Variants in SIM2 observed in about 807,000 individuals in gnomAD.
The protein encoded by SIM2 is SIM bHLH transcription factor 2.
In SIM2, 28 loss-of-function variants were observed where a neutral mutation model predicts 64.8. The ratio of observed to expected loss-of-function variants is 0.43; its 90% CI spans 0.32 to 0.59. The LOEUF (loss-of-function observed/expected upper bound fraction) is 0.59, where lower values mean the gene tolerates loss of function less well. Ranked by LOEUF, SIM2 falls within the 20% of genes least tolerant of loss-of-function variation. The pLI is 0.07. For missense variants in SIM2, 847 were observed against 871.4 expected, an observed-to-expected ratio of 0.97 and a Z score of 0.35; for synonymous variants, 408 against 391.1, an observed-to-expected ratio of 1.04 and a Z score of -0.51.
chr21:36,726,289 T>C lies in SIM2; in HGVS notation c.714T>C (p.Leu238=), dbSNP rs2123464277. The stretch of plus-strand genomic sequence containing the variant: ...ACATGTTCATGTTCAGGGCCAGCCT[T>C]GACCTGAAGCTGATATTCCTGGATT... ...YSNMFMFRAS[L]DLKLIFLDSR... The change falls in exon 6 of 11, where the codon CTT becomes CTC. Residue 238 remains leucine (L), a synonymous_variant. Transcript: ENST00000290399. This position sits in a 1 kb window ranked among gnomAD's most constrained non-coding sequence, Gnocchi z 4.5. 1 of 1,613,472 alleles carries C rather than the reference T, an allele frequency of 6.2e-7. No individual in the cohort carries two copies. The highest frequency in any genetic ancestry group is 8.5e-7 in the Non-Finnish European group (1 of 1,179,954).
intron 3 of SIM2, among the ~76,000 whole-genome samples, chr21:36,716,880 G>A (rs926337551): frequency 6.6e-6 from 1 of 151,060 alleles, no homozygotes; most frequent in African/African-American, 2.4e-5. Flanking sequence ...TTTTTGTGAG[G>A]TAGTCACATT....
At chr21:36,719,184 T>C (rs970784132) in intron 3 of SIM2, among the ~76,000 whole-genome samples, 3 of 152,212 alleles carry the variant, frequency 2.0e-5, no homozygotes, top group African/African-American at 7.2e-5. Flanking sequence ...AGCCACAGAA[T>C]TAGCACAGTC....
chr21:36,722,210 GGGAA>G (rs751782882), intron 4 of SIM2, among the ~76,000 whole-genome samples: 5 of 152,208 alleles, frequency 3.3e-5, no homozygotes, highest in Non-Finnish European at 5.9e-5. Flanking sequence ...CCATGTTAGA[GGGAA>G]GCTTTTTGCC....
intron 10 of SIM2, chr21:36,746,199 C>G (rs2089225382): frequency 4.9e-6 from 1 of 202,228 alleles, no homozygotes; most frequent in Non-Finnish European, 1.0e-5. Context: ...CCTGTAATCC[C>G]AGCTACTCTG....
At chr21:36,741,189 T>G (rs1199800637) in intron 7 of SIM2, among the ~76,000 whole-genome samples, 1 of 152,144 alleles carries the variant, frequency 6.6e-6, no homozygotes, top group East Asian at 1.9e-4. Flanking sequence ...CTGGGATTAA[T>G]GGGAAGAAAA....
Position 36,745,335 on chromosome 21 carries a change from G to A in SIM2, c.1576+199G>A. 1.4e-6 allele frequency: 2 copies of A among 1,439,348 alleles called. No individual in the cohort carries two copies. Among genetic ancestry groups the A allele is most frequent in the African/African-American group, 1.4e-5 (1 of 69,634 alleles). 89.2% of individuals were successfully genotyped at this position (1,439,348 alleles called of 1,614,324 possible). A position where few individuals can be genotyped will look rare whatever the true frequency, so the allele number is the denominator to read the frequency against. On this transcript the variant is annotated intron_variant, in intron 10 of 10. Transcript: ENST00000290399. This position sits in a 1 kb window ranked among gnomAD's most constrained non-coding sequence, Gnocchi z 4.8. ...CCTCGAGAGTGAGAAATGGCAGTCT[G>A]CCTGCCTCGGGGACACTAGTGACAG...
At chr21:36,704,095 G>A (rs2088545006) in intron 1 of SIM2, among the ~76,000 whole-genome samples, 1 of 152,246 alleles carries the variant, frequency 6.6e-6, no homozygotes, top group South Asian at 2.1e-4. Context: ...ACTGTCATTT[G>A]CCCACACGAA....
At chr21:36,729,278 C>A (rs999764075) in intron 6 of SIM2, among the ~76,000 whole-genome samples, 1 of 152,096 alleles carries the variant, frequency 6.6e-6, no homozygotes, top group Non-Finnish European at 1.5e-5. Context: ...ATTTTCCTGC[C>A]ACACAGAGTT....
At position 36,724,353 on chromosome 21, in the gene SIM2, A is replaced by G. The variant is rs149437513; in HGVS notation, c.543+1223A>G. 3.6e-3 allele frequency among the ~76,000 whole-genome samples: 553 copies of G among 152,288 alleles called. 4 individuals carry two copies. Among genetic ancestry groups the G allele is most frequent in the African/African-American group, 0.013 (533 of 41,558 alleles). ...GAGTCCAGTGGTGCAATCACAGCTC[A>G]CTGGAGCCTCAAACTCCTGGGCTCA... On this transcript the variant is annotated intron_variant, in intron 5 of 10. Coordinates refer to ENST00000290399, the MANE Select transcript of SIM2 (RefSeq NM_005069.6).
chr21:36,741,865 G>A lies in SIM2; in HGVS notation c.998+1G>A, dbSNP rs2089166101. 6.3e-7 allele frequency: 1 copy of A among 1,575,748 alleles called. No individual in the cohort carries two copies. The highest frequency in any genetic ancestry group is 8.6e-7 in the Non-Finnish European group (1 of 1,159,294). On this transcript the variant is annotated splice_donor_variant, in intron 8 of 10. Transcript: ENST00000290399. LOFTEE classifies it high-confidence loss of function. ...TCGTGAGTGTCAATTATGTACTCAC[G>A]TAAGTCACACGTATTTGTTTCTCTC...
rs772367442 is a variant in SIM2, at chr21:36,726,003, T to C, written c.544-116T>C. 51 of 808,880 alleles carry C rather than the reference T, an allele frequency of 6.3e-5. No individual in the cohort carries two copies. Among genetic ancestry groups the C allele is most frequent in the Non-Finnish European group, 9.4e-5 (46 of 488,490 alleles). The allele number at this position is 808,880 out of a possible 1,614,324, so 50.1% of individuals were successfully genotyped here. On this transcript the variant is annotated intron_variant, in intron 5 of 10. Coordinates refer to ENST00000290399, the MANE Select transcript of SIM2 (RefSeq NM_005069.6). The surrounding 1 kb of genome is among the most constrained non-coding windows in gnomAD (Gnocchi z 4.5). ...CCTGTCAGCACATTGGGCCGCACAG[T>C]GGAGTAGAGGCTGGGCTGGGAGATA... is the stretch of plus-strand genomic sequence containing the variant.
rs2088635280 is a variant in SIM2, at chr21:36,709,202, C to G, written c.210C>G (p.Ala70=). 1 of 1,610,582 alleles carries G rather than the reference C, an allele frequency of 6.2e-7. No individual in the cohort carries two copies. Among genetic ancestry groups the G allele is most frequent in the South Asian group, 1.1e-5 (1 of 90,514 alleles). The change falls in exon 2 of 11, where the codon GCC becomes GCG. Residue 70 remains alanine (A), a synonymous_variant. Coordinates refer to ENST00000290399, the MANE Select transcript of SIM2 (RefSeq NM_005069.6). ...LGDAWGQPSR[A]GPLDGVAKEL... ...ACGCGTGGGGACAGCCGAGCCGCGCCGGGCCCCTGGACGGCGTCGCCAAGG... is the reference window on the plus strand; with the variant it reads ...ACGCGTGGGGACAGCCGAGCCGCGCGGGGCCCCTGGACGGCGTCGCCAAGG...
At chr21:36,700,054 G>T in intron 1 of SIM2, 133 bp downstream of exon 1, 1 of 947,410 alleles carries the variant, frequency 1.1e-6, no homozygotes, top group Non-Finnish European at 1.5e-6. Context: ...GAGGGAGGTT[G>T]CGTGAGGGTC....
intron 9 of SIM2, 25 bp downstream of exon 9, chr21:36,743,580 G>T: frequency 6.2e-7 from 1 of 1,607,624 alleles, no homozygotes; most frequent in Non-Finnish European, 8.5e-7. Flanking sequence ...CTGCAGTTTT[G>T]GGGTGCTGAC....
chr21:36,745,777 A>G lies in SIM2; in HGVS notation c.1576+641A>G. 1 of 1,303,254 alleles carries G rather than the reference A, an allele frequency of 7.7e-7. No individual in the cohort carries two copies. The highest frequency in any genetic ancestry group is 1.0e-6 in the Non-Finnish European group (1 of 988,222). The allele number at this position is 1,303,254 out of a possible 1,614,324, so 80.7% of individuals were successfully genotyped here. ...GTTCAACAGAAAGGAATGGCCTTTC[A>G]CCTTCTCCTGGTGGCAGGCAAGCAG... On this transcript the variant is annotated intron_variant, in intron 10 of 10. Transcript: ENST00000290399. The surrounding 1 kb of genome is among the most constrained non-coding windows in gnomAD (Gnocchi z 4.8).
At chr21:36,741,947 C>T in intron 8 of SIM2, 83 bp downstream of exon 8, 4 of 1,269,014 alleles carry the variant, frequency 3.2e-6, no homozygotes, top group Middle Eastern at 1.9e-4. Context: ...CACCATCTCT[C>T]TTTCTCTCTT....
rs1429738389 is a variant in SIM2, at chr21:36,726,346, G to A, written c.743+28G>A. On this transcript the variant is annotated intron_variant, in intron 6 of 10. Coordinates refer to ENST00000290399, the MANE Select transcript of SIM2 (RefSeq NM_005069.6). The surrounding 1 kb of genome is among the most constrained non-coding windows in gnomAD (Gnocchi z 4.5). Reference sequence around the variant, plus strand: ...GAGTTCGGCACCTGCCACAGTGGCTGTGGCCTTCTGGAAGACACCGGTGGT... The same window carrying A: ...GAGTTCGGCACCTGCCACAGTGGCTATGGCCTTCTGGAAGACACCGGTGGT... The A allele has an allele frequency of 6.3e-7, 1 of 1,596,406 alleles. No homozygotes were observed.
At chr21:36,736,163 G>A (rs1255347852) in intron 7 of SIM2, among the ~76,000 whole-genome samples, 2 of 152,090 alleles carry the variant, frequency 1.3e-5, no homozygotes, top group African/African-American at 4.8e-5. Context: ...ACCCCCGCCC[G>A]GGCCCCTCAG....
At chr21:36,715,695 A>T (rs984197178) in intron 3 of SIM2, among the ~76,000 whole-genome samples, 1 of 152,192 alleles carries the variant, frequency 6.6e-6, no homozygotes, top group African/African-American at 2.4e-5. Context: ...ATCTGCTATA[A>T]TTGTGTGGAA....
Sources: gnomAD v4.1 joint callset for allele counts (sites outside exome capture counted in the v4.1 genomes callset) on GRCh38, gnomAD v4.1.1 for gene constraint, Gnocchi (gnomAD v3.1) non-coding constraint, MANE v1.5 for transcripts, NCBI Gene and HGNC (gene_info 2026-07-23, HGNC 2026-07-21) for gene names.